Variants in STUM observed in about 807,000 individuals in gnomAD.
The protein encoded by STUM is protein stum homolog.
A neutral mutation model predicts 15.3 loss-of-function variants in STUM; 8 were observed. The ratio of observed to expected loss-of-function variants is 0.52; its 90% CI spans 0.31 to 0.94. The LOEUF is 0.94. Ranked by LOEUF, STUM falls within the 40% of genes least tolerant of loss-of-function variation. STUM has a pLI of 0.05. For missense variants in STUM, 142 were observed against 204.9 expected, an observed-to-expected ratio of 0.69 and a Z score of 1.87; for synonymous variants, 78 against 88.7, an observed-to-expected ratio of 0.88 and a Z score of 0.68.
At chr1:226,573,076 C>T (rs1342596536) in intron 1 of STUM, among the ~76,000 whole-genome samples, 1 of 152,196 alleles carries the variant, frequency 6.6e-6, no homozygotes, top group African/African-American at 2.4e-5. Context: ...TGTTTTCATC[C>T]AACTTTCCGG....
intron 1 of STUM, among the ~76,000 whole-genome samples, chr1:226,583,361 T>G (rs1422219694): frequency 1.3e-5 from 2 of 152,224 alleles, no homozygotes; most frequent in Admixed American, 6.5e-5. Context: ...GAATAAAGAC[T>G]TGGGATTGTT....
intron 1 of STUM, among the ~76,000 whole-genome samples, chr1:226,580,269 C>T (rs1320213389): frequency 6.6e-6 from 1 of 152,040 alleles, no homozygotes; most frequent in Non-Finnish European, 1.5e-5. Context: ...AGGGACAGGT[C>T]AGGAATTTGT....
intron 3 of STUM, 111 bp from the exon 4 acceptor site, chr1:226,601,895 A>G (rs1668274077): frequency 1.2e-6 from 1 of 833,370 alleles, no homozygotes; most frequent in Non-Finnish European, 2.0e-6. Flanking sequence ...AGTCATTTAC[A>G]CCTTAGTATA....
Position 226,565,155 on chromosome 1 carries a change from C to T in STUM, c.202+16049C>T, listed in dbSNP as rs573358451. Reference sequence around the variant, plus strand: ...CCCTCCAACTTCCTGTCTATGACCACGAATTCCATTCTACAGCCCCCTTCT... The same window carrying T: ...CCCTCCAACTTCCTGTCTATGACCATGAATTCCATTCTACAGCCCCCTTCT... On this transcript the variant is annotated intron_variant, in intron 1 of 3. Coordinates refer to ENST00000366788, the MANE Select transcript of STUM (RefSeq NM_001003665.4). This position sits in a 1 kb window ranked among gnomAD's most constrained non-coding sequence, Gnocchi z 4.4. Among the ~76,000 whole-genome samples, 10 of 152,318 alleles carry T rather than the reference C, an allele frequency of 6.6e-5. No individual in the cohort carries two copies. The highest frequency in any genetic ancestry group is 1.4e-4 in the African/African-American group (6 of 41,564).
At chr1:226,556,610 T>C (rs1265351297) in intron 1 of STUM, among the ~76,000 whole-genome samples, 1 of 152,136 alleles carries the variant, frequency 6.6e-6, no homozygotes, top group African/African-American at 2.4e-5. Flanking sequence ...AAAAGGGAGA[T>C]GAACTAGAAG....
intron 1 of STUM, among the ~76,000 whole-genome samples, chr1:226,581,053 A>T (rs890880366): frequency 6.6e-6 from 1 of 152,222 alleles, no homozygotes; most frequent in Non-Finnish European, 1.5e-5. Context: ...GGTTACCGCC[A>T]TGTCTTCTTT....
chr1:226,569,935 G>T (rs1354451281), intron 1 of STUM, among the ~76,000 whole-genome samples: 2 of 152,156 alleles, frequency 1.3e-5, no homozygotes, highest in Non-Finnish European at 2.9e-5. Flanking sequence ...GTAAGGTGAG[G>T]TCAGTGGTTC....
At position 226,599,497 on chromosome 1, in the gene STUM, T is replaced by A. The variant is rs75418689; in HGVS notation, c.383-1169T>A. ...CCTAGAAGACAGTTGGATAAGGGAC[T>A]CTTCTTTCTGGTGTCAGTCCAGCCC... is the stretch of plus-strand genomic sequence containing the variant. On this transcript the variant is annotated intron_variant, in intron 2 of 3. Transcript: ENST00000366788. Among the ~76,000 whole-genome samples the A allele has an allele frequency of 1.0e-2, 1,522 of 152,314 alleles. 32 individuals are homozygous for A. Among genetic ancestry groups the A allele is most frequent in the African/African-American group, 0.035 (1,474 of 41,566 alleles).
At chr1:226,597,457 T>C (rs1417156916) in intron 2 of STUM, 2 of 472,436 alleles carry the variant, frequency 4.2e-6, no homozygotes, top group Admixed American at 2.3e-5. Context: ...TGACCTCACC[T>C]CTCAGGCACT....
chr1:226,595,939 TGGGTAACTTGTTACTGACGCTGTA>T (rs1290464251), intron 1 of STUM, among the ~76,000 whole-genome samples: 1 of 152,244 alleles, frequency 6.6e-6, no homozygotes, highest in African/African-American at 2.4e-5. Context: ...CCATGAGGTT[TGGGTAACTTGTTACTGACGCTGTA>T]GGGAACTATG....
At chr1:226,595,732 G>C (rs1296752555) in intron 1 of STUM, among the ~76,000 whole-genome samples, 1 of 152,224 alleles carries the variant, frequency 6.6e-6, no homozygotes, top group African/African-American at 2.4e-5. Flanking sequence ...AGAGGTCAGG[G>C]AGAAGGTGCT....
intron 1 of STUM, among the ~76,000 whole-genome samples, chr1:226,595,448 C>T (rs1668163518): frequency 6.6e-6 from 1 of 152,218 alleles, no homozygotes; most frequent in African/African-American, 2.4e-5. Flanking sequence ...AGGAACCCCT[C>T]AATCCCATCA....
At chr1:226,570,633 A>G (rs1027272155) in intron 1 of STUM, among the ~76,000 whole-genome samples, 5 of 152,228 alleles carry the variant, frequency 3.3e-5, no homozygotes, top group Non-Finnish European at 7.3e-5. Context: ...AGCATCATGC[A>G]GAGAGCTCTT....
At chr1:226,591,283 G>A (rs1373469464) in intron 1 of STUM, among the ~76,000 whole-genome samples, 1 of 152,180 alleles carries the variant, frequency 6.6e-6, no homozygotes, top group Non-Finnish European at 1.5e-5. Flanking sequence ...TGATATCTGA[G>A]TTCACACAAC....
rs1455769391 is a variant in STUM at position 226,567,949 on chromosome 1, T to A, written c.202+18843T>A. Among the ~76,000 whole-genome samples, 1 of 152,244 alleles carries A rather than the reference T, an allele frequency of 6.6e-6. No homozygotes were observed. Among genetic ancestry groups the A allele is most frequent in the Non-Finnish European group, 1.5e-5 (1 of 68,044 alleles). ...CCCGAGGAGGAGGTACCAGACTACC[T>A]GTCTGGCTGAGCACTGATCTCCATT... On this transcript the variant is annotated intron_variant, in intron 1 of 3. Transcript: ENST00000366788. The surrounding 1 kb of genome is among the most constrained non-coding windows in gnomAD (Gnocchi z 4.5).
intron 3 of STUM, among the ~76,000 whole-genome samples, chr1:226,601,716 G>A (rs1254502070): frequency 6.6e-6 from 1 of 152,188 alleles, no homozygotes; most frequent in Admixed American, 6.5e-5. Flanking sequence ...TCTGTAAGCG[G>A]CTTCCAGATG....
rs761210115 is a variant in STUM, at chr1:226,548,942, C to CGGCGGCGGCGGT, written c.50_61dup (p.Val17_Ala20dup). On this transcript the variant is annotated inframe_insertion, in exon 1 of 4. Transcript: ENST00000366788. ...CACAAAGACGCCGAGACGGCGGCGG[C>CGGCGGCGGCGGT]GGCGGCGGCGGTGGCGGCGGCGGAC... 6.9e-7 allele frequency: 1 copy of CGGCGGCGGCGGT among 1,453,578 alleles called. No individual in the cohort carries two copies. The highest frequency in any genetic ancestry group is 1.5e-5 in the African/African-American group (1 of 66,840). 90.0% of individuals were successfully genotyped at this position (1,453,578 alleles called of 1,614,324 possible).
At chr1:226,596,174 C>A (rs547227957) in intron 1 of STUM, among the ~76,000 whole-genome samples, 7 of 152,176 alleles carry the variant, frequency 4.6e-5, no homozygotes, top group Non-Finnish European at 1.0e-4. Flanking sequence ...CCCTGTCCCT[C>A]CCCTTACAGG....
intron 1 of STUM, among the ~76,000 whole-genome samples, chr1:226,586,614 G>C (rs887571065): frequency 6.6e-6 from 1 of 152,094 alleles, no homozygotes; most frequent in Non-Finnish European, 1.5e-5. Flanking sequence ...TCATGTTGTA[G>C]GCTCTCACTG....
Sources: gnomAD v4.1 joint callset for allele counts (sites outside exome capture counted in the v4.1 genomes callset) on GRCh38, gnomAD v4.1.1 for gene constraint, Gnocchi (gnomAD v3.1) non-coding constraint, MANE v1.5 for transcripts, NCBI Gene and HGNC (gene_info 2026-07-23, HGNC 2026-07-21) for gene names.